PARD3B: variants seen among roughly 807,000 people sequenced by gnomAD.
The protein encoded by PARD3B is par-3 family cell polarity regulator beta, also known as partitioning defective 3 homolog B.
PARD3B carries 103 observed loss-of-function variants against 130.2 expected under a neutral mutation model. The observed-to-expected ratio is 0.79, with a 90% CI of 0.67 to 0.93. The LOEUF is 0.93. Ranked by LOEUF, PARD3B falls within the 40% of genes least tolerant of loss-of-function variation. The pLI, the probability that PARD3B is intolerant of heterozygous loss-of-function variation, is 0.00. For missense variants in PARD3B, 1,609 were observed against 1,499.2 expected (o/e 1.07, Z -1.21); for synonymous variants, 583 against 553.2 (o/e 1.05, Z -0.76).
intron 4 of PARD3B, among the ~76,000 whole-genome samples, chr2:205,083,057 T>TTACAGG (rs1701519208): frequency 1.3e-5 from 2 of 151,896 alleles, no homozygotes. Flanking sequence ...GTTGCTGGGC[T>TTACAGG]TACAGGTGCA....
At chr2:205,170,101 T>G (rs148181062) in intron 11 of PARD3B, among the ~76,000 whole-genome samples, 1 of 152,220 alleles carries the variant, frequency 6.6e-6, no homozygotes, top group East Asian at 1.9e-4. Context: ...CAGCTAATTT[T>G]GTATTTTAAG....
At chr2:205,050,771 C>G (rs1376493847) in intron 4 of PARD3B, among the ~76,000 whole-genome samples, 1 of 147,888 alleles carries the variant, frequency 6.8e-6, no homozygotes, top group Admixed American at 6.8e-5. Context: ...GGTTCTTATT[C>G]TGTTTTATTG....
intron 3 of PARD3B, among the ~76,000 whole-genome samples, chr2:205,000,608 A>G (rs1003785464): frequency 6.6e-6 from 1 of 152,192 alleles, no homozygotes; most frequent in Non-Finnish European, 1.5e-5. Context: ...TAAGATATAC[A>G]TTTTATAATC....
At chr2:204,912,565 C>T (rs1219408468) in intron 2 of PARD3B, among the ~76,000 whole-genome samples, 1 of 152,092 alleles carries the variant, frequency 6.6e-6, no homozygotes, top group African/African-American at 2.4e-5. Context: ...ATTTTAAATG[C>T]ATTTCAAGCA....
rs570365372 is a variant in PARD3B at position 204,940,533 on chromosome 2, A to G, written c.223-24619A>G. The stretch of plus-strand genomic sequence containing the variant: ...AAGTTCTGTGTCTGGGGTTGATTTC[A>G]CTGTTCATGTACATGAATATCATTA... On this transcript the variant is annotated intron_variant, in intron 2 of 22. Coordinates refer to ENST00000406610, the MANE Select transcript of PARD3B (RefSeq NM_001302769.2). Among the ~76,000 whole-genome samples the G allele has an allele frequency of 5.3e-5, 8 of 150,734 alleles. No homozygotes were observed. The South Asian group carries it at 1.7e-3, about 32-fold the overall frequency.
At chr2:205,566,747 G>A (rs1196031860) in intron 22 of PARD3B, among the ~76,000 whole-genome samples, 5 of 152,248 alleles carry the variant, frequency 3.3e-5, no homozygotes, top group Admixed American at 3.3e-4. Flanking sequence ...GCATATCAGG[G>A]GTGATGATGT....
intron 4 of PARD3B, among the ~76,000 whole-genome samples, chr2:205,075,568 T>G (rs1700991619): frequency 6.6e-6 from 1 of 151,552 alleles, no homozygotes; most frequent in South Asian, 2.1e-4. Context: ...CAAGAAATTT[T>G]ACCTCTTTTT....
At position 205,146,873 on chromosome 2, in the gene PARD3B, C is replaced by A. The variant is rs1189899657; in HGVS notation, c.1435-11849C>A. 1.3e-5 allele frequency among the ~76,000 whole-genome samples: 2 copies of A among 151,628 alleles called. No individual in the cohort carries two copies. Among genetic ancestry groups the A allele is most frequent in the East Asian group, 2.0e-4 (1 of 5,086 alleles). ...TTCCTGAGTAGCTGGGATTATAGGACCCGGCTAATTTTTTGTATTTTTAGT... is the reference window on the plus strand; with the variant it reads ...TTCCTGAGTAGCTGGGATTATAGGAACCGGCTAATTTTTTGTATTTTTAGT... On this transcript the variant is annotated intron_variant, in intron 10 of 22. Coordinates refer to ENST00000406610, the MANE Select transcript of PARD3B (RefSeq NM_001302769.2). This position sits in a 1 kb window ranked among gnomAD's most constrained non-coding sequence, Gnocchi z 4.3.
intron 11 of PARD3B, among the ~76,000 whole-genome samples, chr2:205,167,902 A>C (rs1469718721): frequency 6.6e-6 from 1 of 152,226 alleles, no homozygotes; most frequent in Non-Finnish European, 1.5e-5. Flanking sequence ...TGCAAAAGAC[A>C]TGCTCAAGGA....
intron 18 of PARD3B, among the ~76,000 whole-genome samples, chr2:205,328,059 T>C (rs2042994742): frequency 6.6e-6 from 1 of 152,204 alleles, no homozygotes; most frequent in Non-Finnish European, 1.5e-5. Flanking sequence ...AAAGCTATTA[T>C]AACAAAAAGA....
chr2:205,248,641 C>T (rs2039683911), intron 16 of PARD3B, among the ~76,000 whole-genome samples: 1 of 117,538 alleles, frequency 8.5e-6, no homozygotes, highest in Non-Finnish European at 1.6e-5. Flanking sequence ...CGGAGTGGCT[C>T]TGTCCGCCAG....
chr2:204,935,393 G>A (rs1412855570), intron 2 of PARD3B, among the ~76,000 whole-genome samples: 2 of 140,136 alleles, frequency 1.4e-5, no homozygotes, highest in African/African-American at 5.1e-5. Flanking sequence ...AAAAAAATTA[G>A]CCTGGCATGG....
chr2:204,852,032 A>T (rs1423036611), intron 2 of PARD3B, among the ~76,000 whole-genome samples: 1 of 152,170 alleles, frequency 6.6e-6, no homozygotes, highest in African/African-American at 2.4e-5. Context: ...TTGATGAAAA[A>T]GTTTGGGTAT....
chr2:204,652,062 TG>T (rs1249006572), intron 1 of PARD3B, among the ~76,000 whole-genome samples: 1 of 152,188 alleles, frequency 6.6e-6, no homozygotes, highest in East Asian at 1.9e-4. Flanking sequence ...TGGGAGGGGC[TG>T]CTGTGAAGAT....
chr2:204,663,262 G>A (rs1051397919), intron 1 of PARD3B, among the ~76,000 whole-genome samples: 2 of 152,080 alleles, frequency 1.3e-5, no homozygotes, highest in African/African-American at 4.8e-5. Flanking sequence ...AGCTAGCCTC[G>A]GCTTCCTGAG....
In PARD3B at chr2:205,585,795, C is replaced by T. The variant is rs752596679; in HGVS notation, c.3261-29661C>T. On this transcript the variant is annotated intron_variant, in intron 22 of 22. Transcript: ENST00000406610. The surrounding 1 kb of genome is among the most constrained non-coding windows in gnomAD (Gnocchi z 5.4). ...TCAGGAAGGGCTTTGAACTGGATTT[C>T]GGTAGCTTTGTGGGCTCTTGCAGAA... Among the ~76,000 whole-genome samples, 13 of 152,112 alleles carry T rather than the reference C, an allele frequency of 8.5e-5. No individual in the cohort carries two copies. Among genetic ancestry groups the T allele is most frequent in the Non-Finnish European group, 1.5e-4 (10 of 68,028 alleles).
intron 15 of PARD3B, among the ~76,000 whole-genome samples, chr2:205,218,663 G>A (rs1439166762): frequency 2.0e-5 from 3 of 152,170 alleles, no homozygotes; most frequent in Non-Finnish European, 2.9e-5. Context: ...GGGAGGAAGA[G>A]AGAGTAGCAG....
intron 1 of PARD3B, among the ~76,000 whole-genome samples, chr2:204,571,370 T>C (rs554762531): frequency 1.8e-4 from 27 of 152,234 alleles, no homozygotes; most frequent in Admixed American, 3.9e-4. Flanking sequence ...TATTTATTAC[T>C]TTCAAGTACA....
At position 205,458,746 on chromosome 2, in the gene PARD3B, T is replaced by C. The variant is rs746182169; in HGVS notation, c.3044+18074T>C. Among the ~76,000 whole-genome samples, 1 of 152,210 alleles carries C rather than the reference T, an allele frequency of 6.6e-6. No homozygotes were observed. The highest frequency in any genetic ancestry group is 2.4e-5 in the African/African-American group (1 of 41,458). On this transcript the variant is annotated intron_variant, in intron 20 of 22. Coordinates refer to ENST00000406610, the MANE Select transcript of PARD3B (RefSeq NM_001302769.2). This position sits in a 1 kb window ranked among gnomAD's most constrained non-coding sequence, Gnocchi z 4.8. The stretch of plus-strand genomic sequence containing the variant: ...CTTCTTCACTTTAGTCATTTGGTCT[T>C]ATCTCCTGGTATGCATATTTTTGAT...
Sources: gnomAD v4.1 joint callset for allele counts (sites outside exome capture counted in the v4.1 genomes callset) on GRCh38, gnomAD v4.1.1 for gene constraint, Gnocchi (gnomAD v3.1) non-coding constraint, MANE v1.5 for transcripts, NCBI Gene and HGNC (gene_info 2026-07-23, HGNC 2026-07-21) for gene names.